EYS: variants seen among roughly 807,000 people sequenced by gnomAD.
EYS encodes the protein protein eyes shut homolog.
A neutral mutation model predicts 282.1 loss-of-function variants in EYS; 250 were observed. The ratio of observed to expected loss-of-function variants is 0.89; its 90% CI spans 0.80 to 0.98. The LOEUF (loss-of-function observed/expected upper bound fraction) is 0.98, where lower values mean the gene tolerates loss of function less well. Among genes scored for constraint, EYS ranks in the 50% least tolerant of loss-of-function variants. The probability of loss-of-function intolerance (pLI) is 0.00; values close to 1 mark genes in which losing one functional copy is unlikely to be tolerated. For missense variants in EYS, 4,016 were observed against 3,709.0 expected, an observed-to-expected ratio of 1.08 and a Z score of -2.15; for synonymous variants, 1,355 against 1,282.9, an observed-to-expected ratio of 1.06 and a Z score of -1.20.
At chr6:65,070,207 G>A (rs1214647001) in intron 12 of EYS, among the ~76,000 whole-genome samples, 2 of 151,760 alleles carry the variant, frequency 1.3e-5, no homozygotes, top group East Asian at 1.9e-4. Context: ...TCTTATCTAC[G>A]TGCTAATTCA....
intron 34 of EYS, among the ~76,000 whole-genome samples, chr6:63,991,067 G>A (rs1767582693): frequency 6.6e-6 from 1 of 151,708 alleles, no homozygotes; most frequent in Non-Finnish European, 1.5e-5. Flanking sequence ...GCTTGTGGCA[G>A]ATCCAGAGAA....
At chr6:65,038,685 T>A (rs1351937887) in intron 13 of EYS, among the ~76,000 whole-genome samples, 3 of 151,478 alleles carry the variant, frequency 2.0e-5, no homozygotes, top group Non-Finnish European at 4.4e-5. Flanking sequence ...TGATTCCCTA[T>A]CAACAATTTT....
At chr6:65,066,685 T>C (rs1457582541) in intron 12 of EYS, among the ~76,000 whole-genome samples, 1 of 152,192 alleles carries the variant, frequency 6.6e-6, no homozygotes, top group Non-Finnish European at 1.5e-5. Context: ...CTTGAATTCA[T>C]TAGGGAAGCT....
chr6:64,246,285 T>C (rs1042169060), intron 30 of EYS, among the ~76,000 whole-genome samples: 1 of 149,166 alleles, frequency 6.7e-6, no homozygotes, highest in Admixed American at 6.6e-5. Context: ...TTTTTTCTCT[T>C]TGTTAGCATG....
chr6:65,660,490 A>G (rs921019837), intron 1 of EYS, among the ~76,000 whole-genome samples: 9 of 151,802 alleles, frequency 5.9e-5, no homozygotes, highest in African/African-American at 1.7e-4. Context: ...TTATATAACT[A>G]TACGCCTTTT....
intron 15 of EYS, among the ~76,000 whole-genome samples, chr6:64,922,716 CCTTTAAATGTATTTTCTAA>C (rs1768388053): frequency 6.6e-6 from 1 of 152,056 alleles, no homozygotes; most frequent in Non-Finnish European, 1.5e-5. Flanking sequence ...ACCCAACATC[CCTTTAAATGTATTTTCTAA>C]CTCATTCCCT....
intron 33 of EYS, among the ~76,000 whole-genome samples, chr6:64,000,036 G>A (rs4530841): frequency 0.41 from 62,216 of 151,638 alleles, 13,851 homozygotes; most frequent in African/African-American, 0.6. Context: ...GAGAGTGTGG[G>A]TGATTTCATT....
At chr6:63,785,338 G>A (rs942639554) in intron 39 of EYS, among the ~76,000 whole-genome samples, 1 of 152,122 alleles carries the variant, frequency 6.6e-6, no homozygotes, top group African/African-American at 2.4e-5. Context: ...AGTTTTACTT[G>A]TTTCTTCCCC....
At chr6:65,441,644 C>T (rs190955934) in intron 5 of EYS, among the ~76,000 whole-genome samples, 2 of 151,980 alleles carry the variant, frequency 1.3e-5, no homozygotes, top group African/African-American at 4.8e-5. Flanking sequence ...TCCTTAGCAC[C>T]ATTTAAATGT....
chr6:64,364,193 C>A (rs1020978207), intron 29 of EYS, among the ~76,000 whole-genome samples: 1 of 151,834 alleles, frequency 6.6e-6, no homozygotes, highest in Non-Finnish European at 1.5e-5. Context: ...AAAAATTCTC[C>A]ATAAAGACCA....
Position 65,001,531 on chromosome 6 carries a change from A to AG in EYS, c.2138-3829_2138-3828insC, listed in dbSNP as rs1561913611. ...TCTGAGGTTCAGCATTTATCTGGGTACGGGCTAGGGAGCATGGCAAGCCAA... is the reference window on the plus strand; with the variant it reads ...TCTGAGGTTCAGCATTTATCTGGGTAGCGGGCTAGGGAGCATGGCAAGCCAA... On this transcript the variant is annotated intron_variant, in intron 13 of 42. Coordinates refer to ENST00000503581, the MANE Select transcript of EYS (RefSeq NM_001142800.2). Among the ~76,000 whole-genome samples, 6 of 147,588 alleles carry AG rather than the reference A, an allele frequency of 4.1e-5. 1 individual carries two copies. Among genetic ancestry groups the AG allele is most frequent in the Non-Finnish European group, 6.1e-5 (4 of 65,956 alleles).
intron 29 of EYS, among the ~76,000 whole-genome samples, chr6:64,373,007 C>G (rs974847434): frequency 6.6e-6 from 1 of 152,056 alleles, no homozygotes; most frequent in African/African-American, 2.4e-5. Context: ...TTTTGACTCT[C>G]TCCTGTATGT....
At chr6:65,508,515 A>T (rs565034316) in intron 2 of EYS, among the ~76,000 whole-genome samples, 1 of 152,014 alleles carries the variant, frequency 6.6e-6, no homozygotes, top group African/African-American at 2.4e-5. Context: ...CTACTAAAAA[A>T]TATAAAAAAT....
At chr6:65,501,425 T>G (rs1178641460) in intron 2 of EYS, among the ~76,000 whole-genome samples, 1 of 151,940 alleles carries the variant, frequency 6.6e-6, no homozygotes, top group African/African-American at 2.4e-5. Context: ...AATATATTTT[T>G]TCTAGAATAT....
intron 4 of EYS, among the ~76,000 whole-genome samples, chr6:65,491,959 C>T (rs1478431180): frequency 6.6e-6 from 1 of 152,108 alleles, no homozygotes; most frequent in Non-Finnish European, 1.5e-5. Context: ...AGGGAGAAGA[C>T]AGCAGTCTAT....
chr6:64,350,333 T>TA (rs35920198), intron 29 of EYS, among the ~76,000 whole-genome samples: 101,715 of 151,288 alleles, frequency 0.67, 34,297 homozygotes, highest in South Asian at 0.71. Flanking sequence ...AGCCCTTGCT[T>TA]AAAAAAAGTT....
At chr6:65,600,301 A>G (rs1217984545) in intron 2 of EYS, among the ~76,000 whole-genome samples, 1 of 152,034 alleles carries the variant, frequency 6.6e-6, no homozygotes, top group Admixed American at 6.6e-5. Context: ...AAGTAATTAT[A>G]GCTGAGCCCC....
intron 31 of EYS, among the ~76,000 whole-genome samples, chr6:64,143,523 A>T (rs1264777685): frequency 6.6e-6 from 1 of 152,226 alleles, no homozygotes; most frequent in Non-Finnish European, 1.5e-5. Flanking sequence ...GTATTAAAAT[A>T]CATGGCTCAG....
intron 19 of EYS, among the ~76,000 whole-genome samples, chr6:64,848,374 G>T (rs1481126011): frequency 2.0e-5 from 3 of 151,882 alleles, no homozygotes; most frequent in Non-Finnish European, 4.4e-5. Flanking sequence ...CTCTTGAATT[G>T]CAGAATAGGT....
Sources: gnomAD v4.1 joint callset for allele counts (sites outside exome capture counted in the v4.1 genomes callset) on GRCh38, gnomAD v4.1.1 for gene constraint, MANE v1.5 for transcripts, NCBI Gene and HGNC (gene_info 2026-07-23, HGNC 2026-07-21) for gene names.